Variants in LRIF1 observed in about 807,000 individuals in gnomAD.
LRIF1 encodes ligand dependent nuclear receptor interacting factor 1.
In LRIF1, 32 loss-of-function variants were observed where a neutral mutation model predicts 52.7. The observed-to-expected ratio is 0.61, with a 90% CI of 0.46 to 0.82. LRIF1 has a LOEUF of 0.82. LRIF1 is among the 40% of genes least tolerant of loss of function. The pLI, the probability that LRIF1 is intolerant of heterozygous loss-of-function variation, is 0.00. For missense variants in LRIF1, 887 were observed against 892.0 expected, an observed-to-expected ratio of 0.99 and a Z score of 0.07; for synonymous variants, 323 against 317.4, an observed-to-expected ratio of 1.02 and a Z score of -0.19.
chr1:110,937,494 GA>G, the LRIF1 span: 1 of 151,872 alleles, frequency 6.6e-6, no homozygotes, highest in Non-Finnish European at 1.5e-5. Context: ...GGTTGATGAA[GA>G]AATTAAAAAG....
At chr1:110,916,468 A>G in the LRIF1 span, among the ~76,000 whole-genome samples, 6 of 152,152 alleles carry the variant, frequency 3.9e-5, no homozygotes. Context: ...CAAAAATGAT[A>G]AAAAGTAAAA....
the LRIF1 span, among the ~76,000 whole-genome samples, chr1:110,882,920 C>G: frequency 6.6e-6 from 1 of 151,950 alleles, no homozygotes; most frequent in South Asian, 2.1e-4. Flanking sequence ...TTCTAGCAAC[C>G]TTGCTACACT....
the LRIF1 span, among the ~76,000 whole-genome samples, chr1:110,888,940 T>C: frequency 6.6e-6 from 1 of 152,206 alleles, no homozygotes. Flanking sequence ...AAATATTCTT[T>C]GATCAACCCA....
intron 3 of LRIF1, 63 bp downstream of exon 3, chr1:110,949,788 A>G: frequency 6.6e-7 from 1 of 1,508,056 alleles, no homozygotes; most frequent in Non-Finnish European, 9.0e-7. Flanking sequence ...CCAAATCAAG[A>G]AAAGTAATAT....
chr1:110,902,124 A>G, the LRIF1 span, among the ~76,000 whole-genome samples: 1 of 152,228 alleles, frequency 6.6e-6, no homozygotes, highest in African/African-American at 2.4e-5. Flanking sequence ...TATCTACACC[A>G]TTCTGCATAT....
At chr1:110,915,187 C>T in the LRIF1 span, among the ~76,000 whole-genome samples, 1 of 152,132 alleles carries the variant, frequency 6.6e-6, no homozygotes, top group South Asian at 2.1e-4. Context: ...AATAAAAAGG[C>T]TATAAAATAA....
the LRIF1 span, among the ~76,000 whole-genome samples, chr1:110,896,922 C>T: frequency 0.074 from 11,273 of 152,264 alleles, 462 homozygotes; most frequent in East Asian, 0.17. Context: ...CTCATTTAGA[C>T]TAGAGACACT....
At chr1:110,886,871 T>TATATATATATATATATATATATATA in the LRIF1 span, among the ~76,000 whole-genome samples, 2 of 76,052 alleles carry the variant, frequency 2.6e-5, no homozygotes, top group East Asian at 3.5e-4. Context: ...ATATATATAT[T>TATATATATATATATATATATATATA]TTTTTTTTCT....
rs1158081028 is a variant in LRIF1 at position 110,947,417 on chromosome 1, T to C, written c.*542A>G. 1 of 152,156 alleles carries C rather than the reference T, an allele frequency of 6.6e-6. No homozygotes were observed. The highest frequency in any genetic ancestry group is 2.4e-5 in the African/African-American group (1 of 41,432). The allele number at this position is 152,156 out of a possible 1,614,324, so 9.4% of individuals were successfully genotyped here. ...ACAAATGTTGCTCATTCTTGAGAAA[T>C]GTTTGAATGTTTAAATAATGTTGCC... is the stretch of plus-strand genomic sequence containing the variant. On this transcript the variant is annotated 3_prime_UTR_variant, in exon 4 of 4. Coordinates refer to ENST00000369763, the MANE Select transcript of LRIF1 (RefSeq NM_018372.4).
At chr1:110,943,701 C>T (rs1039984599), downstream of LRIF1, 3 of 152,156 alleles carry the variant, frequency 2.0e-5, no homozygotes, top group Admixed American at 6.5e-5. Flanking sequence ...TATCTGGCCA[C>T]TCTTTTGGTT....
chr1:110,934,530 T>G, the LRIF1 span, among the ~76,000 whole-genome samples: 1 of 152,164 alleles, frequency 6.6e-6, no homozygotes, highest in African/African-American at 2.4e-5. Context: ...TCTTGGGCCT[T>G]AAGAAAACAT....
At chr1:110,961,447 G>A (rs533762044) in intron 1 of LRIF1, among the ~76,000 whole-genome samples, 1 of 152,148 alleles carries the variant, frequency 6.6e-6, no homozygotes, top group South Asian at 2.1e-4. Flanking sequence ...TTTATTCTTC[G>A]ACAATAAAAC....
Position 110,963,653 on chromosome 1 carries a change from G to T in LRIF1, c.36C>A (p.Pro12=), listed in dbSNP as rs748317365. 6.2e-7 allele frequency: 1 copy of T among 1,610,120 alleles called. No homozygotes were observed. Among genetic ancestry groups the T allele is most frequent in the Non-Finnish European group, 8.5e-7 (1 of 1,176,918 alleles). Residue 12 remains proline (P), a synonymous_variant, in exon 1 of 4, where the codon CCC becomes CCA. Coordinates refer to ENST00000369763, the MANE Select transcript of LRIF1 (RefSeq NM_018372.4). ...SNNLRRVFLK[P]AEENSGNASR... is the part of the protein sequence containing the mutation. ...AGGCGTTGCCTGAATTTTCCTCTGC[G>T]GGTTTCAGGAAGACCCTCCGTAGGT...
the LRIF1 span, chr1:110,899,143 C>T: frequency 6.2e-7 from 1 of 1,613,832 alleles, no homozygotes; most frequent in Non-Finnish European, 8.5e-7. Context: ...ATGTCCTTTG[C>T]ACTGACCCTG....
At chr1:110,933,110 AG>A in the LRIF1 span, among the ~76,000 whole-genome samples, 14 of 152,252 alleles carry the variant, frequency 9.2e-5, no homozygotes, top group South Asian at 2.3e-3. Context: ...TTCTTTGATA[AG>A]CCCCCATTTA....
At chr1:110,878,144 G>C in the LRIF1 span, among the ~76,000 whole-genome samples, 2 of 152,142 alleles carry the variant, frequency 1.3e-5, no homozygotes, top group Non-Finnish European at 2.9e-5. Context: ...CACCTAAGTT[G>C]TCAGGCCGAT....
At chr1:110,895,842 T>G in the LRIF1 span, among the ~76,000 whole-genome samples, 1 of 152,176 alleles carries the variant, frequency 6.6e-6, no homozygotes, top group African/African-American at 2.4e-5. Context: ...TCCCCACACT[T>G]TTTTCGTTAG....
Position 110,952,634 on chromosome 1 carries a change from T to C in LRIF1, c.250A>G (p.Ile84Val), listed in dbSNP as rs1296851090. ...GATGCACTTGTGGAAGAGCTGGAAA[T>C]CTGAGTCTGAAAAGTAACTTGAACT... ...KPVQVTFQTQ[I>V]SSSSTSASVQ... The change falls in exon 2 of 4, where the codon ATT becomes GTT. Residue 84 changes from isoleucine (I) to valine (V), a missense_variant. By Grantham distance (29) the Ile-to-Val change is conservative (BLOSUM62 3). Transcript: ENST00000369763. 6.2e-7 allele frequency: 1 copy of C among 1,613,954 alleles called. No individual in the cohort carries two copies. Among genetic ancestry groups the C allele is most frequent in the Non-Finnish European group, 8.5e-7 (1 of 1,179,964 alleles).
intron 1 of LRIF1, among the ~76,000 whole-genome samples, chr1:110,960,687 C>A (rs1373617540): frequency 1.3e-5 from 2 of 152,134 alleles, no homozygotes; most frequent in Non-Finnish European, 2.9e-5. Flanking sequence ...TTACCAATAT[C>A]CACCCAGAAA....
Sources: allele counts gnomAD v4.1 joint callset (sites outside exome capture counted in the v4.1 genomes callset), GRCh38; gene constraint gnomAD v4.1.1; transcripts MANE v1.5; gene names NCBI Gene and HGNC (gene_info 2026-07-23, HGNC 2026-07-21).